Variants in SUPT16H observed in about 807,000 individuals in gnomAD.
SUPT16H encodes SPT16 homolog, facilitates chromatin remodeling subunit.
SUPT16H carries 24 observed loss-of-function variants against 136.2 expected under a neutral mutation model. The observed-to-expected ratio is 0.18, with a 90% confidence interval of 0.13 to 0.25. SUPT16H has a LOEUF of 0.25. Among genes scored for constraint, SUPT16H ranks in the 10% least tolerant of loss-of-function variants. SUPT16H has a pLI of 1.00. For synonymous variants in SUPT16H, 415 were observed against 428.2 expected, an observed-to-expected ratio of 0.97 and a Z score of 0.38; for missense variants, 623 against 1,270.2, an observed-to-expected ratio of 0.49 and a Z score of 7.74.
Position 21,369,128 on chromosome 14 carries a change from A to G in SUPT16H, c.782+76T>C, listed in dbSNP as rs999175777. On this transcript the variant is annotated intron_variant, in intron 6 of 25. Transcript: ENST00000216297. ...TAGCCAAATTTCAGTGTACCCCACAAATTTGTACAGATTTAACAAAAAGAA... is the reference window on the plus strand; with the variant it reads ...TAGCCAAATTTCAGTGTACCCCACAGATTTGTACAGATTTAACAAAAAGAA... 2.2e-5 allele frequency: 33 copies of G among 1,527,524 alleles called. No individual in the cohort carries two copies. In the African/African-American group the frequency reaches 4.4e-4, roughly 21 times the overall value. The allele number at this position is 1,527,524 out of a possible 1,614,324, so 94.6% of individuals were successfully genotyped here. A position where few individuals can be genotyped will look rare whatever the true frequency, so the allele number is the denominator to read the frequency against.
chr14:21,371,707 T>C (rs909709047), intron 3 of SUPT16H, among the ~76,000 whole-genome samples, 167 bp downstream of exon 3: 2 of 152,232 alleles, frequency 1.3e-5, no homozygotes, highest in Admixed American at 6.5e-5. Flanking sequence ...GATAGGATTA[T>C]TGAATTCTTT....
chr14:21,357,451 C>T, intron 21 of SUPT16H, 85 bp from the exon 22 acceptor site: 1 of 1,334,282 alleles, frequency 7.5e-7, no homozygotes, highest in South Asian at 2.0e-5. Context: ...ATCTAAATCA[C>T]TACATAAAAG....
chr14:21,378,225 T>C (rs1886946648), intron 1 of SUPT16H, among the ~76,000 whole-genome samples: 1 of 151,652 alleles, frequency 6.6e-6, no homozygotes, highest in African/African-American at 2.4e-5. Context: ...ATTCTATGAG[T>C]GTGAGAAATT....
intron 8 of SUPT16H, 129 bp from the exon 9 acceptor site, chr14:21,365,272 G>A (rs746695520): frequency 4.4e-5 from 36 of 823,040 alleles, no homozygotes; most frequent in Admixed American, 1.0e-4. Flanking sequence ...CCTGCTGACC[G>A]CTCAGTTAGA....
chr14:21,356,361 CCT>C (rs1886434086), intron 22 of SUPT16H, among the ~76,000 whole-genome samples: 1 of 152,176 alleles, frequency 6.6e-6, no homozygotes, highest in South Asian at 2.1e-4. Context: ...ATTTCCACCA[CCT>C]TTCCACCAGC....
intron 15 of SUPT16H, 121 bp from the exon 16 acceptor site, chr14:21,361,334 T>G: frequency 8.9e-7 from 1 of 1,122,160 alleles, no homozygotes; most frequent in Non-Finnish European, 1.3e-6. Context: ...TTTTTTTTTT[T>G]GAGACAGGGT....
intron 1 of SUPT16H, chr14:21,383,634 G>C: frequency 1.4e-6 from 1 of 707,982 alleles, no homozygotes; most frequent in East Asian, 2.7e-5. Flanking sequence ...ACCAAGGCTG[G>C]CACGCGGGGA....
intron 19 of SUPT16H, 144 bp downstream of exon 19, chr14:21,359,340 C>A: frequency 3.5e-6 from 4 of 1,127,030 alleles, no homozygotes; most frequent in Non-Finnish European, 5.0e-6. Context: ...AGGTGATCTG[C>A]CCATGTTGGC....
chr14:21,364,679 C>T (rs1886627839), intron 10 of SUPT16H, 148 bp downstream of exon 10: 1 of 638,440 alleles, frequency 1.6e-6, no homozygotes, highest in African/African-American at 1.8e-5. Context: ...GGGCTACAGT[C>T]TCTATTCCTA....
At chr14:21,380,296 A>ATT (rs60588939) in intron 1 of SUPT16H, among the ~76,000 whole-genome samples, 17 of 112,032 alleles carry the variant, frequency 1.5e-4, no homozygotes, top group East Asian at 5.5e-4. Context: ...GGAAGACTGA[A>ATT]TTTTTTTTTT....
Position 21,373,365 on chromosome 14 carries a change from A to C in SUPT16H, c.132T>G (p.Ile44Met). 2.5e-6 allele frequency: 4 copies of C among 1,614,090 alleles called. No homozygotes were observed. The highest frequency in any genetic ancestry group is 2.2e-5 in the East Asian group (1 of 44,882). The change falls in exon 2 of 26, where the codon ATT becomes ATG. Residue 44 changes from isoleucine (I) to methionine (M), a missense_variant. Around this residue, in one of 7 missense-constraint regions of SUPT16H, gnomAD observed 343 missense variants for 525.7 expected, o/e 0.65. Transcript: ENST00000216297. ...GTAAGGCAGTTGATTTGGCATAAACAATTTCTTCATCAACACCCACTGATA... is the reference window on the plus strand; with the variant it reads ...GTAAGGCAGTTGATTTGGCATAAACCATTTCTTCATCAACACCCACTGATA... ...IVVSVGVDEE[I>M]VYAKSTALQT...
chr14:21,370,038 T>C (rs1886752426), intron 4 of SUPT16H, 142 bp from the exon 5 acceptor site: 2 of 1,069,302 alleles, frequency 1.9e-6, no homozygotes, highest in South Asian at 3.2e-5. Flanking sequence ...AACATTCTCT[T>C]CTTGAACTGA....
chr14:21,372,227 T>C (rs1431221021), intron 2 of SUPT16H, 183 bp from the exon 3 acceptor site: 1 of 598,500 alleles, frequency 1.7e-6, no homozygotes, highest in Admixed American at 3.4e-5. Context: ...GACAATTTAT[T>C]AGAACAGGAC....
chr14:21,359,636 A>G (rs1423767202), intron 18 of SUPT16H, 27 bp from the exon 19 acceptor site: 3 of 1,609,098 alleles, frequency 1.9e-6, no homozygotes, highest in South Asian at 2.2e-5. Flanking sequence ...GAAAGAACAC[A>G]GAAGTCAGAA....
intron 17 of SUPT16H, 44 bp from the exon 18 acceptor site, chr14:21,360,577 A>G (rs1220900629): frequency 1.2e-5 from 18 of 1,518,410 alleles, no homozygotes; most frequent in Non-Finnish European, 1.5e-5. Flanking sequence ...TAATTAAGTT[A>G]GGCCAAAAGG....
rs749823165 is a variant in SUPT16H at position 21,365,065 on chromosome 14, C to T, written c.1120+5G>A. 1 of 1,613,526 alleles carries T rather than the reference C, an allele frequency of 6.2e-7. No individual in the cohort carries two copies. The highest frequency in any genetic ancestry group is 1.1e-5 in the South Asian group (1 of 90,988). On this transcript the variant is annotated splice_donor_5th_base_variant and intron_variant, in intron 9 of 25. Coordinates refer to ENST00000216297, the MANE Select transcript of SUPT16H (RefSeq NM_007192.4). ...AAGCATTTTCCTATTGTATGTGAAACTTACCTTTCTTCAGTTTGTATTGAT... is the reference window on the plus strand; with the variant it reads ...AAGCATTTTCCTATTGTATGTGAAATTTACCTTTCTTCAGTTTGTATTGAT...
In SUPT16H at chr14:21,370,319, T is replaced by C. The variant is rs751226727; in HGVS notation, c.483+17A>G. On this transcript the variant is annotated intron_variant, in intron 4 of 25. Transcript: ENST00000216297. ...TCTTCTCAACTCTTGATTTGCTATT[T>C]CCAGTAGTATTCTTACTTTGTCAAA... 23 of 1,609,056 alleles carry C rather than the reference T, an allele frequency of 1.4e-5. No homozygotes were observed. Among genetic ancestry groups the C allele is most frequent in the South Asian group, 8.9e-5 (8 of 90,238 alleles).
rs1475598237 is a variant in SUPT16H at position 21,370,498 on chromosome 14, T to C, written c.331-10A>G. On this transcript the variant is annotated splice_polypyrimidine_tract_variant and intron_variant, in intron 3 of 25. Coordinates refer to ENST00000216297, the MANE Select transcript of SUPT16H (RefSeq NM_007192.4). ...TCTTATTACTTTCATTCTGTCAGTG[T>C]CATAGGGAAGAAAAGACACATATGT... is the stretch of plus-strand genomic sequence containing the variant. 6.2e-7 allele frequency: 1 copy of C among 1,613,630 alleles called. No homozygotes were observed. Among genetic ancestry groups the C allele is most frequent in the Non-Finnish European group, 8.5e-7 (1 of 1,179,846 alleles).
chr14:21,367,626 C>G (rs1461615054), intron 7 of SUPT16H, among the ~76,000 whole-genome samples: 1 of 152,158 alleles, frequency 6.6e-6, no homozygotes, highest in Non-Finnish European at 1.5e-5. Flanking sequence ...GTAGGATTAA[C>G]AGTATATATC....
Sources: gnomAD v4.1 joint callset for allele counts (sites outside exome capture counted in the v4.1 genomes callset) on GRCh38, gnomAD v4.1.1 for gene constraint, gnomAD v4.1.1 regional missense constraint, MANE v1.5 for transcripts, NCBI Gene and HGNC (gene_info 2026-07-23, HGNC 2026-07-21) for gene names.